The following RFPL1 variants were observed in gnomAD, a reference collection of about 807,000 sequenced individuals.
RFPL1 encodes the protein ret finger protein-like 1.
RFPL1 carries 6 observed loss-of-function variants against 9.6 expected under a neutral mutation model. That is an observed-to-expected ratio of 0.62 (90% CI 0.34 to 1.23). The LOEUF (loss-of-function observed/expected upper bound fraction) is 1.23. RFPL1 is among the 50% of genes most tolerant of loss of function. The pLI is 0.03. For missense variants in RFPL1, 352 were observed against 398.4 expected, an observed-to-expected ratio of 0.88 and a Z score of 0.99; for synonymous variants, 145 against 149.4, an observed-to-expected ratio of 0.97 and a Z score of 0.22.
exon 1 of RFPL1, chr22:29,439,041 G>T: frequency 1.2e-6 from 2 of 1,614,144 alleles, no homozygotes; most frequent in Non-Finnish European, 1.7e-6. Flanking sequence ...CTGTTCCATG[G>T]TCTCTCAGAA....
chr22:29,419,135 C>T, the RFPL1 span: 6 of 1,594,746 alleles, frequency 3.8e-6, no homozygotes, highest in Non-Finnish European at 5.2e-6. Flanking sequence ...CCAGCTGCCA[C>T]CAGGCCTACT....
upstream of RFPL1, chr22:29,437,849 G>T: frequency 1.0e-6 from 1 of 1,002,688 alleles, no homozygotes; most frequent in Non-Finnish European, 1.4e-6. Flanking sequence ...CTGTCTGAGT[G>T]CTGCCTCAGA....
the RFPL1 span, chr22:29,419,328 C>T: frequency 1.3e-6 from 1 of 787,980 alleles, no homozygotes; most frequent in Non-Finnish European, 2.2e-6. Flanking sequence ...CAGTATCTAA[C>T]TTCCAAAAGA....
At chr22:29,437,441 G>A (rs1455543162), upstream of RFPL1, 1 of 595,924 alleles carries the variant, frequency 1.7e-6, no homozygotes, top group Non-Finnish European at 2.9e-6. Flanking sequence ...AGTACATTAA[G>A]CCTAATTTAA....
the RFPL1 span, among the ~76,000 whole-genome samples, chr22:29,419,818 A>G: frequency 6.6e-6 from 1 of 151,058 alleles, no homozygotes. Context: ...AAAAAAAAAG[A>G]AAAGAAAAAA....
chr22:29,416,767 C>T, the RFPL1 span, among the ~76,000 whole-genome samples: 1 of 152,122 alleles, frequency 6.6e-6, no homozygotes, highest in South Asian at 2.1e-4. Context: ...ATTTAACTGC[C>T]CTTAGAAGTC....
chr22:29,422,822 C>T, the RFPL1 span, among the ~76,000 whole-genome samples: 1 of 151,766 alleles, frequency 6.6e-6, no homozygotes, highest in Non-Finnish European at 1.5e-5. Flanking sequence ...CACACACACA[C>T]ACACTCTCTC....
At chr22:29,414,933 C>T in the RFPL1 span, among the ~76,000 whole-genome samples, 16,315 of 151,978 alleles carry the variant, frequency 0.11, 908 homozygotes, top group Middle Eastern at 0.14. Context: ...CCGCTACAGA[C>T]TGAATGCATT....
At chr22:29,420,769 T>C in the RFPL1 span, among the ~76,000 whole-genome samples, 4 of 150,324 alleles carry the variant, frequency 2.7e-5, no homozygotes, top group African/African-American at 9.8e-5. Flanking sequence ...ACCTCCCAGA[T>C]AGCTGGAACT....
At chr22:29,432,093 T>C in the RFPL1 span, among the ~76,000 whole-genome samples, 1 of 152,230 alleles carries the variant, frequency 6.6e-6, no homozygotes, top group Non-Finnish European at 1.5e-5. Context: ...TTACATTAAC[T>C]TGATTGACTC....
At chr22:29,401,622 C>T in the RFPL1 span, among the ~76,000 whole-genome samples, 1 of 152,224 alleles carries the variant, frequency 6.6e-6, no homozygotes, top group Admixed American at 6.5e-5. Flanking sequence ...CAAAACTTTT[C>T]CTTCCACTTC....
chr22:29,428,784 T>C, the RFPL1 span, among the ~76,000 whole-genome samples: 3 of 152,174 alleles, frequency 2.0e-5, no homozygotes, highest in African/African-American at 7.2e-5. Context: ...GAAAAATGTC[T>C]TGAAACAGAT....
the RFPL1 span, among the ~76,000 whole-genome samples, chr22:29,428,486 G>T: frequency 6.6e-6 from 1 of 152,212 alleles, no homozygotes; most frequent in Non-Finnish European, 1.5e-5. Flanking sequence ...AAATAAGTCA[G>T]ATTGAAGCTG....
chr22:29,441,947 A>C, exon 2 of RFPL1: 1 of 1,613,454 alleles, frequency 6.2e-7, no homozygotes, highest in Non-Finnish European at 8.5e-7. Flanking sequence ...TCCTTTTTTG[A>C]TGCTGAAGGT....
At chr22:29,421,633 C>T in the RFPL1 span, among the ~76,000 whole-genome samples, 14 of 151,340 alleles carry the variant, frequency 9.3e-5, no homozygotes, top group East Asian at 1.9e-4. Context: ...CCACCTGGGG[C>T]GCCACTGTGC....
upstream of RFPL1, chr22:29,437,382 T>C (rs1373220133): frequency 2.2e-6 from 1 of 448,900 alleles, no homozygotes; most frequent in Non-Finnish European, 4.0e-6. Flanking sequence ...ACAGGAATTA[T>C]CTTTACTGAC....
At chr22:29,424,841 C>CCCCG in the RFPL1 span, among the ~76,000 whole-genome samples, 89 of 115,288 alleles carry the variant, frequency 7.7e-4, 2 homozygotes, top group African/African-American at 2.7e-3. Flanking sequence ...CCACCCCCCC[C>CCCCG]CCCGCAAAAT....
chr22:29,410,421 A>ATATATATCTACAATATATATATC, the RFPL1 span, among the ~76,000 whole-genome samples: 2 of 84,516 alleles, frequency 2.4e-5, no homozygotes, highest in Admixed American at 1.3e-4. Flanking sequence ...ATATATAGAT[A>ATATATATCTACAATATATATATC]TATATATTGT....
exon 2 of RFPL1, chr22:29,442,077 C>A (rs764246596): frequency 1.4e-5 from 23 of 1,602,610 alleles, no homozygotes; most frequent in Non-Finnish European, 1.9e-5. Flanking sequence ...CTGTGATAAA[C>A]CCGGGCACTA....
Sources: gnomAD v4.1 joint callset for allele counts (sites outside exome capture counted in the v4.1 genomes callset) on GRCh38, gnomAD v4.1.1 for gene constraint, MANE v1.5 for transcripts, NCBI Gene and HGNC (gene_info 2026-07-23, HGNC 2026-07-21) for gene names.